Variants in DLG2 observed in about 807,000 individuals in gnomAD.
DLG2 encodes the protein discs large MAGUK scaffold protein 2, also known as disks large homolog 2.
In DLG2, 45 loss-of-function variants were observed where a neutral mutation model predicts 132.5. The observed-to-expected ratio is 0.34, with a 90% CI of 0.27 to 0.44. The LOEUF (loss-of-function observed/expected upper bound fraction) is 0.44, where lower values mean the gene tolerates loss of function less well. DLG2 is among the 20% of genes least tolerant of loss of function. DLG2 has a pLI of 1.00. For missense variants in DLG2, 1,045 were observed against 1,196.9 expected (o/e 0.87, Z 1.87); for synonymous variants, 424 against 419.6 (o/e 1.01, Z -0.13).
chr11:85,438,341 G>A (rs1468261343), intron 3 of DLG2, among the ~76,000 whole-genome samples: 1 of 152,126 alleles, frequency 6.6e-6, no homozygotes, highest in Non-Finnish European at 1.5e-5. Context: ...AATACTTGCT[G>A]TGACACAATT....
At chr11:84,169,577 C>A (rs2095764359) in intron 8 of DLG2, among the ~76,000 whole-genome samples, 1 of 152,044 alleles carries the variant, frequency 6.6e-6, no homozygotes, top group South Asian at 2.1e-4. Context: ...GGCCTTCACT[C>A]AAAATATTAT....
chr11:83,644,423 G>T (rs980740171), intron 18 of DLG2, among the ~76,000 whole-genome samples: 2 of 152,122 alleles, frequency 1.3e-5, no homozygotes, highest in African/African-American at 2.4e-5. Flanking sequence ...GAGACGGATT[G>T]AGAGAATTGT....
chr11:84,699,964 A>G (rs2059039669), intron 6 of DLG2, among the ~76,000 whole-genome samples: 3 of 151,592 alleles, frequency 2.0e-5, no homozygotes, highest in Admixed American at 2.0e-4. Flanking sequence ...AAATAAACTC[A>G]TCTTAGACTA....
At position 85,218,948 on chromosome 11, in the gene DLG2, G is replaced by A. The variant is rs954354997; in HGVS notation, c.187-64297C>T. On this transcript the variant is annotated intron_variant, in intron 4 of 27. Transcript: ENST00000376104. ...ATGCATTTGGAGGCCATAGTCCTAA[G>A]CAAATTAACACAACAAAACCAAATA... 5.1e-4 allele frequency among the ~76,000 whole-genome samples: 78 copies of A among 152,244 alleles called. 2 individuals are homozygous for A. The highest frequency in any genetic ancestry group is 1.6e-4 in the Non-Finnish European group (11 of 68,014).
intron 6 of DLG2, among the ~76,000 whole-genome samples, chr11:84,587,093 G>C (rs2099531611): frequency 6.6e-6 from 1 of 152,058 alleles, no homozygotes; most frequent in African/African-American, 2.4e-5. Context: ...TTTTATGGGA[G>C]AGTGTGAGAA....
At chr11:84,956,492 C>T (rs1018735633) in intron 6 of DLG2, among the ~76,000 whole-genome samples, 17 of 152,180 alleles carry the variant, frequency 1.1e-4, no homozygotes, top group Admixed American at 2.6e-4. Context: ...ATTATCATTT[C>T]CCTACAACAC....
intron 11 of DLG2, among the ~76,000 whole-genome samples, chr11:84,005,914 T>C (rs2094552301): frequency 6.6e-6 from 1 of 151,798 alleles, no homozygotes; most frequent in South Asian, 2.1e-4. Flanking sequence ...TGGACAATAG[T>C]ATGGTGATTT....
At position 85,253,473 on chromosome 11, in the gene DLG2, G is replaced by T. The variant is rs138477908; in HGVS notation, c.186+31747C>A. ...CTGCTCCACCCCTCACCAGAGGGAGGGTGAATAGAAGCAGGTGCAGGAGCC... is the reference window on the plus strand; with the variant it reads ...CTGCTCCACCCCTCACCAGAGGGAGTGTGAATAGAAGCAGGTGCAGGAGCC... On this transcript the variant is annotated intron_variant, in intron 4 of 27. Coordinates refer to ENST00000376104, the MANE Select transcript of DLG2 (RefSeq NM_001142699.3). 2.1e-3 allele frequency among the ~76,000 whole-genome samples: 325 copies of T among 152,250 alleles called. 3 individuals are homozygous for T. Among genetic ancestry groups the T allele is most frequent in the Middle Eastern group, 0.01 (3 of 294 alleles).
At chr11:83,766,508 T>A (rs1319794683) in intron 18 of DLG2, among the ~76,000 whole-genome samples, 1 of 151,996 alleles carries the variant, frequency 6.6e-6, no homozygotes, top group African/African-American at 2.4e-5. Flanking sequence ...TCTTATAAAT[T>A]TGAAAAATGA....
At chr11:85,236,024 T>C (rs1451459772) in intron 4 of DLG2, among the ~76,000 whole-genome samples, 1 of 151,708 alleles carries the variant, frequency 6.6e-6, no homozygotes, top group Non-Finnish European at 1.5e-5. Context: ...ATAGTCAGGA[T>C]GAGGGAAGGA....
chr11:84,941,525 C>T (rs950380385), intron 6 of DLG2, among the ~76,000 whole-genome samples: 2 of 152,102 alleles, frequency 1.3e-5, no homozygotes, highest in African/African-American at 4.8e-5. Flanking sequence ...TGATGTATCA[C>T]ACTGATTGAT....
intron 6 of DLG2, among the ~76,000 whole-genome samples, chr11:84,934,515 G>GTTTTTT (rs2048482997): frequency 4.9e-5 from 2 of 40,478 alleles, no homozygotes; most frequent in African/African-American, 2.1e-4. Context: ...TTTTTTTTTT[G>GTTTTTT]TTTTGTTTTG....
intron 19 of DLG2, among the ~76,000 whole-genome samples, chr11:83,618,696 T>C (rs919664): frequency 0.19 from 28,625 of 152,114 alleles, 2,841 homozygotes; most frequent in Non-Finnish European, 0.19. Context: ...GCATGGCTGA[T>C]TGAGTTAGAA....
chr11:83,977,067 C>T (rs376854922), intron 12 of DLG2, among the ~76,000 whole-genome samples: 16 of 151,924 alleles, frequency 1.1e-4, no homozygotes, highest in African/African-American at 3.9e-4. Context: ...TAGTAATAAC[C>T]AAAAGGTTGT....
In DLG2 at chr11:83,657,600, G is replaced by A. The variant is rs186640047; in HGVS notation, c.1826-24275C>T. ...GTCACCCAGGCTGCAGTGCAGTGGC[G>A]CGATCTCGGCTCACTGCAAGATCTG... On this transcript the variant is annotated intron_variant, in intron 18 of 27. Coordinates refer to ENST00000376104, the MANE Select transcript of DLG2 (RefSeq NM_001142699.3). Among the ~76,000 whole-genome samples the A allele has an allele frequency of 5.6e-3, 817 of 145,784 alleles. 12 individuals are homozygous for A. Among genetic ancestry groups the A allele is most frequent in the African/African-American group, 0.02 (769 of 39,094 alleles).
chr11:83,495,195 G>C (rs2094086258), intron 21 of DLG2, among the ~76,000 whole-genome samples: 1 of 152,132 alleles, frequency 6.6e-6, no homozygotes. Context: ...CAGGGTCTAT[G>C]TGGACATAAA....
At chr11:85,053,596 G>T (rs1482928158) in intron 6 of DLG2, among the ~76,000 whole-genome samples, 2 of 136,336 alleles carry the variant, frequency 1.5e-5, no homozygotes, top group Non-Finnish European at 3.1e-5. Context: ...AGACCATCCT[G>T]CCTAACACGG....
At chr11:83,651,971 A>T in intron 18 of DLG2, 1 of 446,360 alleles carries the variant, frequency 2.2e-6, no homozygotes, top group Non-Finnish European at 4.7e-6. Flanking sequence ...AAATCTACAC[A>T]CTTAAATTCA....
At chr11:83,826,421 A>C (rs1391864727) in intron 17 of DLG2, among the ~76,000 whole-genome samples, 1 of 152,186 alleles carries the variant, frequency 6.6e-6, no homozygotes, top group Non-Finnish European at 1.5e-5. Context: ...TGCAGGAAGA[A>C]AGATCCAGTA....
Sources: allele counts gnomAD v4.1 joint callset (sites outside exome capture counted in the v4.1 genomes callset), GRCh38; gene constraint gnomAD v4.1.1; transcripts MANE v1.5; gene names NCBI Gene and HGNC (gene_info 2026-07-23, HGNC 2026-07-21).